The following CCDC172 variants were observed in gnomAD, a reference collection of about 807,000 sequenced individuals.
CCDC172 encodes coiled-coil domain containing 172, also known as coiled-coil domain-containing protein 172.
A neutral mutation model predicts 38.0 loss-of-function variants in CCDC172; 30 were observed. That is an observed-to-expected ratio of 0.79 (90% CI 0.59 to 1.07). The LOEUF (loss-of-function observed/expected upper bound fraction) is 1.07, where lower values mean the gene tolerates loss of function less well. CCDC172 is among the 50% of genes least tolerant of loss of function. The probability of loss-of-function intolerance (pLI) is 0.00; values close to 1 mark genes in which losing one functional copy is unlikely to be tolerated. For synonymous variants in CCDC172, 78 were observed against 88.3 expected, an observed-to-expected ratio of 0.88 and a Z score of 0.66; for missense variants, 297 against 290.1, an observed-to-expected ratio of 1.02 and a Z score of -0.17.
At position 116,325,284 on chromosome 10, in the gene CCDC172, G is replaced by T. The variant is rs913198638; in HGVS notation, c.80-19G>T. On this transcript the variant is annotated intron_variant, in intron 2 of 8. Coordinates refer to ENST00000333254, the MANE Select transcript of CCDC172 (RefSeq NM_198515.3). ...CTTTAGAAAGATTGATGTGTTTAAAGATTTAATTTTTATTACAGTAAGGTC... is the reference window on the plus strand; with the variant it reads ...CTTTAGAAAGATTGATGTGTTTAAATATTTAATTTTTATTACAGTAAGGTC... The T allele has an allele frequency of 6.2e-6, 10 of 1,604,376 alleles. No individual in the cohort carries two copies. Among genetic ancestry groups the T allele is most frequent in the Non-Finnish European group, 8.5e-6 (10 of 1,173,422 alleles).
intron 3 of CCDC172, among the ~76,000 whole-genome samples, chr10:116,338,718 T>C (rs986518545): frequency 2.0e-5 from 3 of 152,114 alleles, no homozygotes; most frequent in African/African-American, 7.2e-5. Flanking sequence ...TAGTCATTGA[T>C]AGCTGAAAGA....
At chr10:116,342,253 T>C in intron 5 of CCDC172, 52 bp downstream of exon 5, 1 of 1,467,450 alleles carries the variant, frequency 6.8e-7, no homozygotes, top group Non-Finnish European at 9.0e-7. Flanking sequence ...ATAACTTATT[T>C]TGAATGAATG....
intron 7 of CCDC172, among the ~76,000 whole-genome samples, chr10:116,368,627 CTCT>C (rs1430807532): frequency 1.3e-5 from 2 of 151,842 alleles, no homozygotes; most frequent in Admixed American, 6.6e-5. Flanking sequence ...GTGTTCCAGG[CTCT>C]TCTTTTACAT....
intron 3 of CCDC172, among the ~76,000 whole-genome samples, chr10:116,326,125 A>G (rs1377860366): frequency 6.6e-6 from 1 of 152,212 alleles, no homozygotes; most frequent in Non-Finnish European, 1.5e-5. Flanking sequence ...GGGTTTAGGT[A>G]GCCTAGTATG....
chr10:116,359,660 T>C (rs568521273), intron 7 of CCDC172, among the ~76,000 whole-genome samples: 1 of 152,316 alleles, frequency 6.6e-6, no homozygotes, highest in East Asian at 1.9e-4. Flanking sequence ...TCCCCCCAAG[T>C]TGAGAACCAG....
chr10:116,339,995 A>C (rs1313084304), intron 3 of CCDC172, among the ~76,000 whole-genome samples: 1 of 151,976 alleles, frequency 6.6e-6, no homozygotes, highest in African/African-American at 2.4e-5. Flanking sequence ...GAGGGCTAGT[A>C]CTGAACATAG....
chr10:116,344,356 T>G (rs371806393), intron 5 of CCDC172, among the ~76,000 whole-genome samples: 7 of 152,372 alleles, frequency 4.6e-5, no homozygotes, highest in African/African-American at 1.7e-4. Context: ...GCTCCTAGGC[T>G]GTAAGCCTGT....
chr10:116,372,546 T>C (rs1162246176), intron 7 of CCDC172, among the ~76,000 whole-genome samples: 1 of 152,172 alleles, frequency 6.6e-6, no homozygotes, highest in Non-Finnish European at 1.5e-5. Flanking sequence ...TAATATGCTA[T>C]GTATCCTCTT....
At position 116,340,715 on chromosome 10, in the gene CCDC172, C is replaced by A. The variant is rs1844781522; in HGVS notation, c.166-19C>A. On this transcript the variant is annotated intron_variant, in intron 3 of 8. Transcript: ENST00000333254. ...CTAATTAATTGTTTTATTCTGATTT[C>A]TGTTTTTGTACTTTGAAGGTTCAAC... The A allele has an allele frequency of 4.9e-6, 6 of 1,212,492 alleles. No individual in the cohort carries two copies. The East Asian group carries it at 1.4e-4, about 28-fold the overall frequency. The allele number at this position is 1,212,492 out of a possible 1,614,324, so 75.1% of individuals were successfully genotyped here. A position where few individuals can be genotyped will look rare whatever the true frequency, so the allele number is the denominator to read the frequency against.
intron 3 of CCDC172, among the ~76,000 whole-genome samples, chr10:116,338,257 C>A (rs2577368): frequency 0.25 from 38,350 of 151,918 alleles, 5,117 homozygotes; most frequent in East Asian, 0.38. Context: ...CTCATACTTA[C>A]CAAGACTTTT....
chr10:116,363,650 A>C (rs986199615), intron 7 of CCDC172, among the ~76,000 whole-genome samples: 1 of 152,156 alleles, frequency 6.6e-6, no homozygotes, highest in Admixed American at 6.5e-5. Flanking sequence ...AAGATTTAAA[A>C]TTTCGGCTGG....
intron 7 of CCDC172, among the ~76,000 whole-genome samples, chr10:116,358,291 C>A (rs973149359): frequency 6.6e-6 from 1 of 151,992 alleles, no homozygotes; most frequent in South Asian, 2.1e-4. Flanking sequence ...TAGATTCCAG[C>A]GGTGGGAGGA....
intron 8 of CCDC172, among the ~76,000 whole-genome samples, chr10:116,379,053 A>G (rs1845281635): frequency 6.6e-6 from 1 of 152,152 alleles, no homozygotes; most frequent in Non-Finnish European, 1.5e-5. Context: ...TATTTGCCAT[A>G]CTACATTTTA....
intron 3 of CCDC172, among the ~76,000 whole-genome samples, chr10:116,340,279 T>C (rs1021649713): frequency 2.6e-5 from 4 of 151,926 alleles, no homozygotes; most frequent in African/African-American, 9.7e-5. Context: ...ACTGGGTTTT[T>C]GCCTCTGCTT....
At chr10:116,368,784 C>T (rs1197912003) in intron 7 of CCDC172, among the ~76,000 whole-genome samples, 1 of 151,978 alleles carries the variant, frequency 6.6e-6, no homozygotes, top group Non-Finnish European at 1.5e-5. Flanking sequence ...TTTAAGTGGA[C>T]ACAACTAAAA....
At chr10:116,363,091 A>G (rs1013659785) in intron 7 of CCDC172, among the ~76,000 whole-genome samples, 2 of 152,184 alleles carry the variant, frequency 1.3e-5, no homozygotes. Context: ...TTCTAAATTC[A>G]TTGGTATCTT....
chr10:116,342,043 TAAAG>T lies in CCDC172; in HGVS notation c.294_297del (p.Lys98AsnfsTer3), dbSNP rs777108726. ...TTTATTTATGTTTTTCAGGAGGCTA[TAAAG>T]AAACAAATGATAGAGGAGGAAGACA... On this transcript the variant is annotated frameshift_variant, in exon 5 of 9. Transcript: ENST00000333254. LOFTEE classifies it high-confidence loss of function. The T allele has an allele frequency of 1.2e-5, 18 of 1,501,766 alleles. No homozygotes were observed. In the Middle Eastern group the frequency reaches 1.1e-3, roughly 90 times the overall value. 93.0% of individuals were successfully genotyped at this position (1,501,766 alleles called of 1,614,324 possible). A position where few individuals can be genotyped will look rare whatever the true frequency, so the allele number is the denominator to read the frequency against.
intron 5 of CCDC172, among the ~76,000 whole-genome samples, chr10:116,356,096 G>T (rs1234791325): frequency 6.6e-6 from 1 of 152,064 alleles, no homozygotes; most frequent in Non-Finnish European, 1.5e-5. Context: ...ACTTTGGGAG[G>T]CCGAGGCAGG....
intron 3 of CCDC172, among the ~76,000 whole-genome samples, chr10:116,330,415 A>C (rs1844645645): frequency 6.6e-6 from 1 of 152,228 alleles, no homozygotes; most frequent in African/African-American, 2.4e-5. Context: ...TGCATAATTC[A>C]GGGAAGCAGT....
Sources: allele counts gnomAD v4.1 joint callset (sites outside exome capture counted in the v4.1 genomes callset), GRCh38; gene constraint gnomAD v4.1.1; transcripts MANE v1.5; gene names NCBI Gene and HGNC (gene_info 2026-07-23, HGNC 2026-07-21).